The following CDKAL1 variants were observed in gnomAD, a reference collection of about 807,000 sequenced individuals.
CDKAL1 encodes the protein CDKAL1 threonylcarbamoyladenosine tRNA methylthiotransferase.
A neutral mutation model predicts 68.2 loss-of-function variants in CDKAL1; 32 were observed. That is an observed-to-expected ratio of 0.47 (90% CI 0.35 to 0.63). The LOEUF (loss-of-function observed/expected upper bound fraction) is 0.63, where lower values mean the gene tolerates loss of function less well. CDKAL1 is among the 30% of genes least tolerant of loss of function. CDKAL1 has a pLI of 0.00. For missense variants in CDKAL1, 606 were observed against 696.7 expected, an observed-to-expected ratio of 0.87 and a Z score of 1.47; for synonymous variants, 234 against 244.3, an observed-to-expected ratio of 0.96 and a Z score of 0.39.
chr6:21,001,082 TCA>T (rs1227560964), intron 11 of CDKAL1, among the ~76,000 whole-genome samples: 6 of 152,358 alleles, frequency 3.9e-5, no homozygotes, highest in African/African-American at 1.2e-4. Context: ...TTGGCCCAGG[TCA>T]CACAGAGCCT....
chr6:20,915,868 G>A (rs114533492), intron 9 of CDKAL1, among the ~76,000 whole-genome samples: 2,235 of 152,078 alleles, frequency 0.015, 54 homozygotes, highest in African/African-American at 0.05. Context: ...ACTACTCAGT[G>A]GTAAAAAGGA....
intron 13 of CDKAL1, among the ~76,000 whole-genome samples, chr6:21,142,525 G>A (rs1775969998): frequency 6.6e-6 from 1 of 152,110 alleles, no homozygotes; most frequent in Admixed American, 6.5e-5. Flanking sequence ...GAGACTGGCT[G>A]GATTCATAGG....
intron 4 of CDKAL1, among the ~76,000 whole-genome samples, chr6:20,648,925 T>A (rs577415090): frequency 1.3e-5 from 2 of 152,224 alleles, no homozygotes; most frequent in Non-Finnish European, 2.9e-5. Context: ...GTGTACACTC[T>A]GTGCCTGAAA....
intron 11 of CDKAL1, among the ~76,000 whole-genome samples, chr6:21,007,504 AAAAAAG>A (rs1767796117): frequency 6.6e-6 from 1 of 150,548 alleles, no homozygotes; most frequent in Non-Finnish European, 1.5e-5. Context: ...AAAAAAAAAA[AAAAAAG>A]CCCACAATGA....
At chr6:20,567,016 T>G (rs1764487284) in intron 4 of CDKAL1, among the ~76,000 whole-genome samples, 1 of 152,108 alleles carries the variant, frequency 6.6e-6, no homozygotes, top group Non-Finnish European at 1.5e-5. Context: ...GTATTTTTCC[T>G]TATTTTTAGC....
At chr6:20,763,360 A>G (rs904631893) in intron 7 of CDKAL1, among the ~76,000 whole-genome samples, 1 of 152,180 alleles carries the variant, frequency 6.6e-6, no homozygotes, top group Non-Finnish European at 1.5e-5. Context: ...CGTTGTTGCT[A>G]GCCTCAGAGT....
chr6:21,065,896 C>T (rs889589195), intron 12 of CDKAL1, among the ~76,000 whole-genome samples: 12 of 151,718 alleles, frequency 7.9e-5, no homozygotes, highest in Non-Finnish European at 1.8e-4. Flanking sequence ...TAAAATAAGC[C>T]TGAAGAGCAA....
chr6:21,036,048 G>A (rs1769568312), intron 11 of CDKAL1, among the ~76,000 whole-genome samples: 1 of 152,122 alleles, frequency 6.6e-6, no homozygotes, highest in South Asian at 2.1e-4. Flanking sequence ...TGGATATGTG[G>A]TTTGATCTCA....
intron 13 of CDKAL1, among the ~76,000 whole-genome samples, chr6:21,166,938 T>C (rs777504735): frequency 6.6e-6 from 1 of 152,210 alleles, no homozygotes; most frequent in African/African-American, 2.4e-5. Context: ...ACACCCAGAC[T>C]GACATCTGGT....
chr6:20,620,714 A>G (rs1268536683), intron 4 of CDKAL1, among the ~76,000 whole-genome samples: 1 of 152,048 alleles, frequency 6.6e-6, no homozygotes, highest in Non-Finnish European at 1.5e-5. Context: ...TCTGGAAGAA[A>G]ACTTTTGGCT....
At chr6:20,566,303 C>T (rs1272016694) in intron 4 of CDKAL1, among the ~76,000 whole-genome samples, 1 of 151,954 alleles carries the variant, frequency 6.6e-6, no homozygotes, top group Non-Finnish European at 1.5e-5. Flanking sequence ...GCCTCATGAC[C>T]CTTCTGTGTG....
At chr6:20,868,400 CTCT>C (rs1051385029) in intron 9 of CDKAL1, among the ~76,000 whole-genome samples, 1 of 152,202 alleles carries the variant, frequency 6.6e-6, no homozygotes, top group African/African-American at 2.4e-5. Context: ...TTGGTACATT[CTCT>C]TCAAGACAGT....
intron 5 of CDKAL1, among the ~76,000 whole-genome samples, chr6:20,679,228 T>C (rs1360598378): frequency 6.6e-6 from 1 of 152,250 alleles, no homozygotes; most frequent in African/African-American, 2.4e-5. Context: ...CCATTGCCTG[T>C]TTAAACATTT....
At chr6:20,809,586 CTTTTTTTTCT>C (rs1204918924) in intron 8 of CDKAL1, among the ~76,000 whole-genome samples, 1 of 151,872 alleles carries the variant, frequency 6.6e-6, no homozygotes, top group African/African-American at 2.4e-5. Flanking sequence ...TACTTTTTTC[CTTTTTTTTCT>C]GTTCTCATAT....
rs546142492 is a variant in CDKAL1, at chr6:20,574,737, A to G, written c.286+26032A>G. On this transcript the variant is annotated intron_variant, in intron 4 of 15. Coordinates refer to ENST00000274695, the MANE Select transcript of CDKAL1 (RefSeq NM_017774.3). The stretch of plus-strand genomic sequence containing the variant: ...GGATTTTCAGGTACACCATAAAAAC[A>G]GTTCTCTTTGCAGTTAGATTGTCAT... 2.5e-3 allele frequency among the ~76,000 whole-genome samples: 379 copies of G among 152,242 alleles called. 1 individual carries two copies. Among genetic ancestry groups the G allele is most frequent in the African/African-American group, 8.8e-3 (364 of 41,564 alleles).
At chr6:21,151,719 G>A (rs1209522018) in intron 13 of CDKAL1, among the ~76,000 whole-genome samples, 6 of 151,972 alleles carry the variant, frequency 3.9e-5, no homozygotes, top group Admixed American at 6.6e-5. Context: ...ACATTCTATC[G>A]TGTAGTATCT....
At chr6:21,032,956 T>C (rs992965741) in intron 11 of CDKAL1, among the ~76,000 whole-genome samples, 18 of 152,298 alleles carry the variant, frequency 1.2e-4, no homozygotes, top group Admixed American at 1.2e-3. Flanking sequence ...GAGTATCACT[T>C]TAGAGTTATG....
At chr6:20,737,777 CTTTT>C (rs1391506514) in intron 5 of CDKAL1, among the ~76,000 whole-genome samples, 5 of 152,132 alleles carry the variant, frequency 3.3e-5, no homozygotes, top group Non-Finnish European at 7.4e-5. Flanking sequence ...CGTTAACAAG[CTTTT>C]TCAAGATTCC....
chr6:20,746,522 C>T (rs1268851977), intron 6 of CDKAL1, among the ~76,000 whole-genome samples: 1 of 152,112 alleles, frequency 6.6e-6, no homozygotes, highest in East Asian at 1.9e-4. Flanking sequence ...AGCTTCCCCA[C>T]ATTTAAGGGA....
Sources: gnomAD v4.1 joint callset for allele counts (sites outside exome capture counted in the v4.1 genomes callset) on GRCh38, gnomAD v4.1.1 for gene constraint, MANE v1.5 for transcripts, NCBI Gene and HGNC (gene_info 2026-07-23, HGNC 2026-07-21) for gene names.